Variants in SLC7A4 observed in about 807,000 individuals in gnomAD.
The protein encoded by SLC7A4 is cationic amino acid transporter 4.
Under a neutral mutation model 37.8 loss-of-function variants are expected in SLC7A4, and 30 were observed. The observed-to-expected ratio is 0.79, with a 90% CI of 0.59 to 1.08. SLC7A4 has a LOEUF of 1.08. Ranked by LOEUF, SLC7A4 falls within the 50% of genes least tolerant of loss-of-function variation. The pLI is 0.00. For synonymous variants in SLC7A4, 359 were observed against 376.5 expected, an observed-to-expected ratio of 0.95 and a Z score of 0.54; for missense variants, 839 against 843.2, an observed-to-expected ratio of 1.00 and a Z score of 0.06.
Position 21,031,459 on chromosome 22 carries a change from G to C in SLC7A4, c.354C>G (p.Ile118Met), listed in dbSNP as rs756694173. ...TGTATTCGAGGAGAACATTCCAGCC[G>C]ATGAGGAAGGCCCACAGCTCGCCCA... ...VSMGELWAFL[I>M]GWNVLLEYII... Residue 118 changes from isoleucine to methionine, a missense_variant, in exon 2 of 5, where the codon ATC (isoleucine) becomes ATG (methionine). By Grantham distance (10) the Ile-to-Met change is conservative. Transcript: ENST00000382932. 14 of 1,603,102 alleles carry C rather than the reference G, an allele frequency of 8.7e-6. No homozygotes were observed. Among genetic ancestry groups the C allele is most frequent in the South Asian group, 1.1e-5 (1 of 89,178 alleles).
chr22:21,029,552 T>C (rs1387170763), intron 3 of SLC7A4, 108 bp from the exon 4 acceptor site: 2 of 1,169,582 alleles, frequency 1.7e-6, no homozygotes, highest in Non-Finnish European at 2.5e-6. Context: ...TCACGGGAGA[T>C]TGTGGAGACA....
rs1465639589 is a variant in SLC7A4, at chr22:21,031,209, T to C, written c.604A>G (p.Ser202Gly). ...ACAATGAAGAGAATGACAAGCAGGCTGATGGCCGAGAAGGTGTGATTGAGC... is the reference window on the plus strand; with the variant it reads ...ACAATGAAGAGAATGACAAGCAGGCCGATGGCCGAGAAGGTGTGATTGAGC... ...SWLNHTFSAI[S>G]LLVILFIVIL... The change falls in exon 2 of 5, where the codon AGC becomes GGC. Residue 202 changes from serine (S) to glycine (G), a missense_variant. Transcript: ENST00000382932. 3 of 1,613,802 alleles carry C rather than the reference T, an allele frequency of 1.9e-6. No individual in the cohort carries two copies. Among genetic ancestry groups the C allele is most frequent in the Non-Finnish European group, 2.5e-6 (3 of 1,179,910 alleles).
intron 2 of SLC7A4, 124 bp downstream of exon 2, chr22:21,030,707 A>G: frequency 8.5e-7 from 1 of 1,177,556 alleles, no homozygotes; most frequent in Non-Finnish European, 1.2e-6. Flanking sequence ...AATAATTAGC[A>G]CTTTCCTTGC....
Position 21,031,274 on chromosome 22 carries a change from G to A in SLC7A4, c.539C>T (p.Ala180Val), listed in dbSNP as rs1439132525. Residue 180 changes from alanine (A) to valine (V), a missense_variant, in exon 2 of 5, where the codon GCC (alanine) becomes GTC (valine). Transcript: ENST00000382932. Reference protein sequence around the residue: ...DFLAAGIILLASAFVSCGARV... With the variant: ...DFLAAGIILLVSAFVSCGARV... ...GGCTCCACAGGAGACAAAGGCAGAG[G>A]CCAGGAGGATGATGCCAGCAGCCAG... 6.2e-7 allele frequency: 1 copy of A among 1,612,132 alleles called. No homozygotes were observed. The highest frequency in any genetic ancestry group is 1.1e-5 in the South Asian group (1 of 90,824).
Position 21,031,362 on chromosome 22 carries a change from T to C in SLC7A4, c.451A>G (p.Asn151Asp). 1 of 1,611,372 alleles carries C rather than the reference T, an allele frequency of 6.2e-7. No individual in the cohort carries two copies. Among genetic ancestry groups the C allele is most frequent in the Non-Finnish European group, 8.5e-7 (1 of 1,179,142 alleles). The change falls in exon 2 of 5, where the codon AAC (asparagine) becomes GAC (aspartate). Residue 151 changes from asparagine to aspartate, a missense_variant. Physicochemically the swap from Asn to Asp is conservative, Grantham distance 23. Coordinates refer to ENST00000382932, the MANE Select transcript of SLC7A4 (RefSeq NM_004173.3). ...LDSMFSHSIRNFTETHVGSWQ... is the reference protein window; with the variant it reads ...LDSMFSHSIRDFTETHVGSWQ... ...GAACCCACGTGGGTCTCAGTGAAGT[T>C]GCGGATGCTGTGGCTGAACATAGAG...
At chr22:21,029,501 C>A in intron 3 of SLC7A4, 57 bp from the exon 4 acceptor site, 1 of 1,381,096 alleles carries the variant, frequency 7.2e-7, no homozygotes, top group Non-Finnish European at 1.0e-6. Context: ...ATCTGCCAGC[C>A]CAGGGCTCAC....
At chr22:21,032,313 A>G (rs1229397813) in intron 1 of SLC7A4, among the ~76,000 whole-genome samples, 3 of 152,094 alleles carry the variant, frequency 2.0e-5, no homozygotes, top group African/African-American at 4.8e-5. Flanking sequence ...TGGCGGCTAC[A>G]TACACCCCCG....
At position 21,031,794 on chromosome 22, in the gene SLC7A4, T is replaced by G. The variant is rs1252271841; in HGVS notation, c.19A>C (p.Thr7Pro). 6.6e-7 allele frequency: 1 copy of G among 1,512,216 alleles called. No individual in the cohort carries two copies. The highest frequency in any genetic ancestry group is 2.3e-5 in the East Asian group (1 of 43,048). The allele number at this position is 1,512,216 out of a possible 1,614,324, so 93.7% of individuals were successfully genotyped here. ...CATAAGCGTGCCAGGCTAGCAATGG[T>G]GGGCAGCCCCCGGGCCATGGCAGGT... Reference protein sequence around the residue: MARGLPTIASLARLCQK... With the variant: MARGLPPIASLARLCQK... The change falls in exon 2 of 5, where the codon ACC becomes CCC. Residue 7 changes from threonine (T) to proline (P), a missense_variant. Transcript: ENST00000382932.
chr22:21,030,101 C>T lies in SLC7A4; in HGVS notation c.1233G>A (p.Val411=). 4 of 1,612,900 alleles carry T rather than the reference C, an allele frequency of 2.5e-6. No individual in the cohort carries two copies. Among genetic ancestry groups the T allele is most frequent in the Non-Finnish European group, 3.4e-6 (4 of 1,179,536 alleles). The change falls in exon 3 of 5, where the codon GTG becomes GTA. Residue 411 remains valine, a synonymous_variant. Coordinates refer to ENST00000382932, the MANE Select transcript of SLC7A4 (RefSeq NM_004173.3). The part of the protein sequence containing the change: ...AYTFVATSII[V]LRFQKSSPPS... ...GCGGGGAAGACTTCTGGAAGCGCAG[C>T]ACAATGATACTGGTGGCCACGAATG...
Position 21,029,045 on chromosome 22 carries a change from G to A in SLC7A4, c.*10C>T. On this transcript the variant is annotated 3_prime_UTR_variant, in exon 5 of 5. Transcript: ENST00000382932. ...GGTGTGGGAGGGCGGGGCAAGTGTG[G>A]GCTGATCAGCTACTCCATATGGCCA... 1 of 1,597,018 alleles carries A rather than the reference G, an allele frequency of 6.3e-7. No individual in the cohort carries two copies. Among genetic ancestry groups the A allele is most frequent in the Non-Finnish European group, 8.5e-7 (1 of 1,173,110 alleles).
chr22:21,029,167 C>T lies in SLC7A4; in HGVS notation c.1796G>A (p.Gly599Glu), dbSNP rs764303631. The T allele has an allele frequency of 6.2e-7, 1 of 1,614,032 alleles. No individual in the cohort carries two copies. The highest frequency in any genetic ancestry group is 8.5e-7 in the Non-Finnish European group (1 of 1,180,024). Residue 599 changes from glycine to glutamate, a missense_variant, in exon 5 of 5, where the codon GGG (glycine) becomes GAG (glutamate). Gly to Glu is a moderately conservative substitution (Grantham distance 98). Transcript: ENST00000382932. ...TACCACGTAGTGTGTGGAGTTCAGCCCTGGCAGCTCCCGCTGGTTCTCCTT... is the reference window on the plus strand; with the variant it reads ...TACCACGTAGTGTGTGGAGTTCAGCTCTGGCAGCTCCCGCTGGTTCTCCTT... ...HSKENQRELP[G>E]LNSTHYVVFP...
rs762968022 is a variant in SLC7A4 at position 21,031,185 on chromosome 22, CAATG to C, written c.624_627del (p.Phe208LeufsTer82). Reference sequence around the variant, plus strand: ...TGGGCCAGGATGAAGCCCAGGATGACAATGAAGAGAATGACAAGCAGGCTGATGG... The same window carrying C: ...TGGGCCAGGATGAAGCCCAGGATGACAAGAGAATGACAAGCAGGCTGATGG... On this transcript the variant is annotated frameshift_variant, in exon 2 of 5. Coordinates refer to ENST00000382932, the MANE Select transcript of SLC7A4 (RefSeq NM_004173.3). LOFTEE classifies it high-confidence loss of function. 1 of 1,613,896 alleles carries C rather than the reference CAATG, an allele frequency of 6.2e-7. No homozygotes were observed. Among genetic ancestry groups the C allele is most frequent in the Non-Finnish European group, 8.5e-7 (1 of 1,179,936 alleles).
intron 1 of SLC7A4, among the ~76,000 whole-genome samples, chr22:21,032,227 C>G (rs865776457): frequency 3.9e-5 from 6 of 152,194 alleles, no homozygotes; most frequent in Admixed American, 1.3e-4. Context: ...AGAGTCGAGC[C>G]GGACCCGGAA....
chr22:21,031,355 G>A lies in SLC7A4; in HGVS notation c.458C>T (p.Thr153Ile). 1 of 1,611,566 alleles carries A rather than the reference G, an allele frequency of 6.2e-7. No individual in the cohort carries two copies. Among genetic ancestry groups the A allele is most frequent in the Non-Finnish European group, 8.5e-7 (1 of 1,179,164 alleles). ...SMFSHSIRNF[T>I]ETHVGSWQVP... Reference sequence around the variant, plus strand: ...CTGCCAAGAACCCACGTGGGTCTCAGTGAAGTTGCGGATGCTGTGGCTGAA... The same window carrying A: ...CTGCCAAGAACCCACGTGGGTCTCAATGAAGTTGCGGATGCTGTGGCTGAA... The change falls in exon 2 of 5, where the codon ACT (threonine) becomes ATT (isoleucine). Residue 153 changes from threonine to isoleucine, a missense_variant. Transcript: ENST00000382932.
rs1928789263 is a variant in SLC7A4, at chr22:21,029,209, T to C, written c.1754A>G (p.Tyr585Cys). The C allele has an allele frequency of 8.7e-6, 14 of 1,613,872 alleles. No individual in the cohort carries two copies. Among genetic ancestry groups the C allele is most frequent in the African/African-American group, 1.3e-5 (1 of 75,064 alleles). ...LLMGLAVYFG[Y>C]GIRHSKENQR... is the part of the protein sequence containing the mutation. ...GTTCTCCTTGCTATGCCGGATGCCA[T>C]AGCCGAAATACACTGCAAGTCCTAG... Residue 585 changes from tyrosine to cysteine, a missense_variant, in exon 5 of 5, where the codon TAT becomes TGT. Coordinates refer to ENST00000382932, the MANE Select transcript of SLC7A4 (RefSeq NM_004173.3).
Position 21,029,817 on chromosome 22 carries a change from G to A in SLC7A4, c.1517C>T (p.Pro506Leu), listed in dbSNP as rs993321985. 1.2e-6 allele frequency: 2 copies of A among 1,613,640 alleles called. No individual in the cohort carries two copies. The highest frequency in any genetic ancestry group is 2.7e-5 in the African/African-American group (2 of 75,036). The stretch of plus-strand genomic sequence containing the variant: ...GAGCAGCAGGATGTAACCCCAGTGT[G>A]GGAGGTGCAGGGTCGAGTTCCCAAA... ...LVFGNSTLHL[P>L]HWGYILLLLL... Residue 506 changes from proline to leucine, a missense_variant, in exon 3 of 5, where the codon CCA becomes CTA. Physicochemically the swap from Pro to Leu is moderately conservative, Grantham distance 98. Transcript: ENST00000382932.
intron 1 of SLC7A4, among the ~76,000 whole-genome samples, chr22:21,032,288 GC>G (rs1415276123): frequency 1.3e-5 from 2 of 152,170 alleles, no homozygotes; most frequent in African/African-American, 2.4e-5. Flanking sequence ...CAGCCACCTG[GC>G]CACAGACAGA....
chr22:21,030,332 G>T lies in SLC7A4; in HGVS notation c.1002C>A (p.Leu334=). The stretch of plus-strand genomic sequence containing the variant: ...TGCGTGGCAGGGAGAAGAGGAGGCT[G>T]AGCAGGACGGTGTTCATGGCTGTAG... ...GSICAMNTVL[L]SLLFSLPRIV... The change falls in exon 3 of 5, where the codon CTC becomes CTA. Residue 334 remains leucine (L), a synonymous_variant. Transcript: ENST00000382932. 6.2e-7 allele frequency: 1 copy of T among 1,608,990 alleles called. No homozygotes were observed. The highest frequency in any genetic ancestry group is 1.1e-5 in the South Asian group (1 of 90,656).
Position 21,030,296 on chromosome 22 carries a change from G to A in SLC7A4, c.1038C>T (p.Ala346=). Residue 346 remains alanine (A), a synonymous_variant, in exon 3 of 5, where the codon GCC becomes GCT. Coordinates refer to ENST00000382932, the MANE Select transcript of SLC7A4 (RefSeq NM_004173.3). ...LLFSLPRIVY[A]MAADGLFFQV... ...GGAAGAAGAGCCCATCGGCGGCCAT[G>A]GCATAGACAATGCGTGGCAGGGAGA... 6.2e-7 allele frequency: 1 copy of A among 1,613,140 alleles called. No homozygotes were observed. Among genetic ancestry groups the A allele is most frequent in the South Asian group, 1.1e-5 (1 of 91,060 alleles).
Sources: allele counts gnomAD v4.1 joint callset (sites outside exome capture counted in the v4.1 genomes callset), GRCh38; gene constraint gnomAD v4.1.1; transcripts MANE v1.5; gene names NCBI Gene and HGNC (gene_info 2026-07-23, HGNC 2026-07-21).